Variants in RGS6 observed in about 807,000 individuals in gnomAD.
RGS6 encodes regulator of G protein signaling 6.
RGS6 carries 30 observed loss-of-function variants against 78.5 expected under a neutral mutation model. That is an observed-to-expected ratio of 0.38 (90% CI 0.29 to 0.52). The LOEUF is 0.52. Ranked by LOEUF, RGS6 falls within the 20% of genes least tolerant of loss-of-function variation. The pLI, the probability that RGS6 is intolerant of heterozygous loss-of-function variation, is 0.85. For missense variants in RGS6, 495 were observed against 609.7 expected (o/e 0.81, Z 1.98); for synonymous variants, 206 against 206.0 (o/e 1.00, Z 0.00).
chr14:72,123,707 A>G (rs1359280303), intron 2 of RGS6, among the ~76,000 whole-genome samples: 7 of 152,236 alleles, frequency 4.6e-5, no homozygotes, highest in Admixed American at 2.0e-4. Flanking sequence ...TTCGAAGTTT[A>G]GGTGATAATT....
intron 3 of RGS6, among the ~76,000 whole-genome samples, chr14:72,437,167 C>CAAAAAAAAAAAAAAAAAAAA: frequency 1.3e-5 from 1 of 75,038 alleles, no homozygotes; most frequent in Non-Finnish European, 2.4e-5. Flanking sequence ...ACTAAAAATA[C>CAAAAAAAAAAAAAAAAAAAA]AAAAAAAAAA....
intron 2 of RGS6, among the ~76,000 whole-genome samples, chr14:72,078,067 C>T (rs1352048676): frequency 3.9e-5 from 6 of 152,242 alleles, no homozygotes; most frequent in African/African-American, 1.4e-4. Context: ...CGATCGTGGT[C>T]CCCACTGCTG....
chr14:72,522,230 C>G (rs1247710823), intron 15 of RGS6, among the ~76,000 whole-genome samples: 1 of 152,220 alleles, frequency 6.6e-6, no homozygotes, highest in African/African-American at 2.4e-5. Flanking sequence ...GTCCTTATAA[C>G]TCTGGTCTCT....
At chr14:72,250,457 A>G (rs1403046460) in intron 2 of RGS6, among the ~76,000 whole-genome samples, 2 of 152,020 alleles carry the variant, frequency 1.3e-5, no homozygotes, top group Admixed American at 6.5e-5. Context: ...CAAAAAAAGA[A>G]AAAAGAAGTC....
At chr14:72,132,744 G>A (rs1011273973) in intron 2 of RGS6, among the ~76,000 whole-genome samples, 2 of 150,254 alleles carry the variant, frequency 1.3e-5, no homozygotes, top group Admixed American at 6.6e-5. Flanking sequence ...TAACACACCT[G>A]GTCAAAAGTT....
intron 15 of RGS6, 37 bp from the exon 16 acceptor site, chr14:72,536,149 G>A: frequency 6.8e-7 from 1 of 1,467,116 alleles, no homozygotes; most frequent in Non-Finnish European, 9.6e-7. Context: ...CTGGTTGACA[G>A]CCCTTCCTTG....
intron 2 of RGS6, among the ~76,000 whole-genome samples, chr14:72,239,240 A>T (rs1310675146): frequency 6.6e-6 from 1 of 152,050 alleles, no homozygotes; most frequent in Non-Finnish European, 1.5e-5. Flanking sequence ...TACCTTTGGG[A>T]ATTGTGCACA....
At chr14:72,279,777 A>G (rs1386355673) in intron 2 of RGS6, among the ~76,000 whole-genome samples, 1 of 152,216 alleles carries the variant, frequency 6.6e-6, no homozygotes. Flanking sequence ...AGAAAGGACA[A>G]GGGTGGCAAT....
At chr14:72,032,196 G>A (rs2091009945) in intron 2 of RGS6, among the ~76,000 whole-genome samples, 1 of 152,076 alleles carries the variant, frequency 6.6e-6, no homozygotes, top group East Asian at 1.9e-4. Flanking sequence ...TGAATTAATT[G>A]GGGAAGTGGG....
intron 12 of RGS6, among the ~76,000 whole-genome samples, chr14:72,479,305 C>G (rs2096315229): frequency 6.6e-6 from 1 of 152,214 alleles, no homozygotes; most frequent in Non-Finnish European, 1.5e-5. Context: ...GGGCTAAGGA[C>G]ATCCCTGGAC....
At chr14:72,585,834 C>T in the RGS6 span, among the ~76,000 whole-genome samples, 1 of 152,232 alleles carries the variant, frequency 6.6e-6, no homozygotes, top group South Asian at 2.1e-4. Flanking sequence ...CTTCTCCTAT[C>T]CATCCTGTTC....
chr14:72,002,245 G>T (rs2238269), intron 2 of RGS6, among the ~76,000 whole-genome samples: 95,094 of 151,864 alleles, frequency 0.63, 30,399 homozygotes, highest in South Asian at 0.71. Flanking sequence ...ACCCCAAGTA[G>T]GAAGTCCAAA....
chr14:72,319,107 A>G (rs1467694835), intron 2 of RGS6, among the ~76,000 whole-genome samples: 1 of 152,244 alleles, frequency 6.6e-6, no homozygotes, highest in South Asian at 2.1e-4. Context: ...TATGCCATAC[A>G]TGACACTACA....
intron 3 of RGS6, among the ~76,000 whole-genome samples, chr14:72,402,937 C>T (rs1175441625): frequency 6.6e-6 from 1 of 151,704 alleles, no homozygotes; most frequent in African/African-American, 2.4e-5. Flanking sequence ...GCTGGGATTA[C>T]AGGTGTGTGC....
chr14:72,555,777 G>A (rs1329834633), intron 17 of RGS6, among the ~76,000 whole-genome samples: 4 of 152,246 alleles, frequency 2.6e-5, no homozygotes, highest in Non-Finnish European at 5.9e-5. Context: ...CAAGCATGTT[G>A]TGGACATAAG....
chr14:72,364,342 T>C (rs2082074497), intron 3 of RGS6, among the ~76,000 whole-genome samples: 1 of 152,136 alleles, frequency 6.6e-6, no homozygotes, highest in Admixed American at 6.5e-5. Context: ...GACCCATGGG[T>C]ACCAAACTTA....
chr14:72,459,722 CTG>C (rs2095728501), intron 6 of RGS6, 39 bp downstream of exon 6: 1 of 1,596,778 alleles, frequency 6.3e-7, no homozygotes, highest in Non-Finnish European at 8.6e-7. Context: ...AACTTCAACA[CTG>C]TGTGTCACTT....
the RGS6 span, among the ~76,000 whole-genome samples, chr14:72,587,846 G>C: frequency 6.6e-6 from 1 of 152,172 alleles, no homozygotes; most frequent in South Asian, 2.1e-4. Flanking sequence ...GCCCTGCTTG[G>C]CCACAGAGAA....
At chr14:72,304,584 T>C (rs2066821212) in intron 2 of RGS6, among the ~76,000 whole-genome samples, 1 of 152,168 alleles carries the variant, frequency 6.6e-6, no homozygotes, top group Non-Finnish European at 1.5e-5. Context: ...CATTAAATTT[T>C]AATAAACATT....
Sources: gnomAD v4.1 joint callset for allele counts (sites outside exome capture counted in the v4.1 genomes callset) on GRCh38, gnomAD v4.1.1 for gene constraint, MANE v1.5 for transcripts, NCBI Gene and HGNC (gene_info 2026-07-23, HGNC 2026-07-21) for gene names.